Variants in ZNF599 observed in about 807,000 individuals in gnomAD.
ZNF599 encodes the protein zinc finger protein 599.
Under a neutral mutation model 11.7 loss-of-function variants are expected in ZNF599, and 10 were observed. That is an observed-to-expected ratio of 0.86 (90% CI 0.53 to 1.45). The LOEUF (loss-of-function observed/expected upper bound fraction) is 1.45, where lower values mean the gene tolerates loss of function less well. Ranked by LOEUF, ZNF599 falls within the 40% of genes most tolerant of loss-of-function variation. The probability of loss-of-function intolerance (pLI) is 0.00; values close to 1 mark genes in which losing one functional copy is unlikely to be tolerated. For synonymous variants in ZNF599, 232 were observed against 253.2 expected (o/e 0.92, Z 0.79); for missense variants, 688 against 713.6 (o/e 0.96, Z 0.41).
At chr19:34,785,220 A>C in the ZNF599 span, among the ~76,000 whole-genome samples, 1 of 152,068 alleles carries the variant, frequency 6.6e-6, no homozygotes, top group Non-Finnish European at 1.5e-5. Flanking sequence ...CTTACCCTTC[A>C]TGTTAGAAAA....
chr19:34,789,833 G>A, the ZNF599 span, among the ~76,000 whole-genome samples: 1 of 152,086 alleles, frequency 6.6e-6, no homozygotes, highest in East Asian at 1.9e-4. Context: ...TTCCTATGCT[G>A]TGCAAAACCT....
the ZNF599 span, among the ~76,000 whole-genome samples, chr19:34,797,961 TA>T: frequency 6.6e-6 from 1 of 152,184 alleles, no homozygotes; most frequent in African/African-American, 2.4e-5. Flanking sequence ...CATCCATTTA[TA>T]GGCTCTCCAC....
chr19:34,761,237 T>C (rs2069111484), intron 3 of ZNF599, among the ~76,000 whole-genome samples: 1 of 152,160 alleles, frequency 6.6e-6, no homozygotes, highest in African/African-American at 2.4e-5. Context: ...ATGAACATAA[T>C]GAGTCTGCAA....
At chr19:34,794,593 C>A in the ZNF599 span, among the ~76,000 whole-genome samples, 1 of 147,990 alleles carries the variant, frequency 6.8e-6, no homozygotes, top group African/African-American at 2.5e-5. Flanking sequence ...TTTTTTGAGA[C>A]AGAGTCTTGC....
Position 34,769,550 on chromosome 19 carries a change from T to G in ZNF599, c.24A>C (p.Leu8Phe), listed in dbSNP as rs757254702. The G allele has an allele frequency of 1.2e-6, 2 of 1,613,266 alleles. No individual in the cohort carries two copies. The highest frequency in any genetic ancestry group is 1.7e-6 in the Non-Finnish European group (2 of 1,179,332). The change falls in exon 2 of 4, where the codon TTA (leucine) becomes TTC (phenylalanine). Residue 8 changes from leucine to phenylalanine, a missense_variant. By Grantham distance (22) the Leu-to-Phe change is conservative. Coordinates refer to ENST00000329285, the MANE Select transcript of ZNF599 (RefSeq NM_001007248.3). ...TCACAACCACGTCTTCAAATGATAC[T>G]AATGCCTGGGAAGTCAAACAGAGGT... Reference protein sequence around the residue: MAAPALALVSFEDVVVTF... With the variant: MAAPALAFVSFEDVVVTF...
rs2069196160 is a variant in ZNF599 at position 34,773,053 on chromosome 19, G to C, written c.-212C>G. The C allele has an allele frequency of 7.2e-6, 4 of 555,596 alleles. No individual in the cohort carries two copies. Among genetic ancestry groups the C allele is most frequent in the Non-Finnish European group, 1.2e-5 (4 of 325,836 alleles). The allele number at this position is 555,596 out of a possible 1,614,324, so 34.4% of individuals were successfully genotyped here. ...GGAAGGGTTTTGCAGACGCTTGTGG[G>C]GGTGGGATCGCGGCTGACATAAAAG... On this transcript the variant is annotated 5_prime_UTR_variant, in exon 1 of 4. Transcript: ENST00000329285.
rs2069083503 is a variant in ZNF599, at chr19:34,758,170, AG to A, written c.*863del. 6.6e-6 allele frequency: 1 copy of A among 152,228 alleles called. No individual in the cohort carries two copies. The highest frequency in any genetic ancestry group is 1.5e-5 in the Non-Finnish European group (1 of 68,040). The allele number at this position is 152,228 out of a possible 1,614,324, so 9.4% of individuals were successfully genotyped here. A position where few individuals can be genotyped will look rare whatever the true frequency, so the allele number is the denominator to read the frequency against. On this transcript the variant is annotated 3_prime_UTR_variant, in exon 4 of 4. Transcript: ENST00000329285. Reference sequence around the variant, plus strand: ...AACAAACAAACAAACAAATACCCATAGAAGAAGGTTATGTGTTGACTGGTTG... The same window carrying A: ...AACAAACAAACAAACAAATACCCATAAAGAAGGTTATGTGTTGACTGGTTG...
intron 1 of ZNF599, among the ~76,000 whole-genome samples, chr19:34,770,856 G>T (rs2069179308): frequency 6.6e-6 from 1 of 152,178 alleles, no homozygotes; most frequent in Non-Finnish European, 1.5e-5. Flanking sequence ...TGCCGGGAAG[G>T]TTCCCCAAAG....
chr19:34,800,052 A>G, the ZNF599 span, among the ~76,000 whole-genome samples: 5 of 152,168 alleles, frequency 3.3e-5, no homozygotes, highest in Admixed American at 3.3e-4. Flanking sequence ...GCATCTTTAC[A>G]TATTTATTTG....
chr19:34,767,997 A>T (rs556727961), intron 2 of ZNF599, among the ~76,000 whole-genome samples: 26 of 152,320 alleles, frequency 1.7e-4, no homozygotes, highest in Admixed American at 1.5e-3. Flanking sequence ...ATGCAGCCAC[A>T]CACATTTTGC....
chr19:34,802,264 T>C, the ZNF599 span, among the ~76,000 whole-genome samples: 1 of 152,154 alleles, frequency 6.6e-6, no homozygotes, highest in Non-Finnish European at 1.5e-5. Context: ...TGTGAACTCA[T>C]AGTTTTCAAA....
At chr19:34,794,719 C>T in the ZNF599 span, among the ~76,000 whole-genome samples, 7 of 152,148 alleles carry the variant, frequency 4.6e-5, no homozygotes, top group East Asian at 1.2e-3. Flanking sequence ...TACAAGCATG[C>T]ATCACTATGT....
chr19:34,776,483 C>T (rs528784359), upstream of ZNF599, among the ~76,000 whole-genome samples: 9 of 152,346 alleles, frequency 5.9e-5, no homozygotes, highest in South Asian at 1.5e-3. Context: ...GATTCTTCAG[C>T]TCTTGAATCA....
the ZNF599 span, among the ~76,000 whole-genome samples, chr19:34,802,339 G>A: frequency 6.6e-6 from 1 of 152,212 alleles, no homozygotes; most frequent in Admixed American, 6.5e-5. Context: ...GCACAATGAG[G>A]AGGAGTGGGG....
upstream of ZNF599, among the ~76,000 whole-genome samples, chr19:34,773,575 A>C (rs555309482): frequency 1.3e-5 from 2 of 152,184 alleles, no homozygotes; most frequent in East Asian, 3.9e-4. Flanking sequence ...AAGGAAAATG[A>C]AGATAATTAT....
chr19:34,784,467 A>T, the ZNF599 span, among the ~76,000 whole-genome samples: 1 of 152,216 alleles, frequency 6.6e-6, no homozygotes, highest in Non-Finnish European at 1.5e-5. Flanking sequence ...ACAACTCAAA[A>T]TACCTTTGAT....
In ZNF599 at chr19:34,759,070, CGAT is replaced by C. The variant is rs1164466092; in HGVS notation, c.1728_1730del (p.Ser577del). On this transcript the variant is annotated inframe_deletion, in exon 4 of 4. Coordinates refer to ENST00000329285, the MANE Select transcript of ZNF599 (RefSeq NM_001007248.3). ...TATGAATCTTTCGATGGTGAGTGAACGATGAACTGTGGCTGAAGGTCTTTCCAC... is the reference window on the plus strand; with the variant it reads ...TATGAATCTTTCGATGGTGAGTGAACGAACTGTGGCTGAAGGTCTTTCCAC... 5.6e-6 allele frequency: 9 copies of C among 1,613,234 alleles called. No homozygotes were observed. The highest frequency in any genetic ancestry group is 5.9e-6 in the Non-Finnish European group (7 of 1,179,456).
the ZNF599 span, among the ~76,000 whole-genome samples, chr19:34,787,219 TATCATC>T: frequency 0.32 from 47,779 of 148,388 alleles, 8,149 homozygotes; most frequent in Middle Eastern, 0.41. Context: ...CGGCTATTTT[TATCATC>T]ATCATCATCA....
Position 34,771,457 on chromosome 19 carries a change from T to G in ZNF599, c.18+1367A>C, listed in dbSNP as rs553496196. Among the ~76,000 whole-genome samples, 6 of 152,310 alleles carry G rather than the reference T, an allele frequency of 3.9e-5. No homozygotes were observed. The South Asian group carries it at 1.2e-3, about 32-fold the overall frequency. The stretch of plus-strand genomic sequence containing the variant: ...AAACTGCCTCTCAGCACATTATCAA[T>G]GCGCTCAGTGAAGACCAGCTACTAT... On this transcript the variant is annotated intron_variant, in intron 1 of 3. Transcript: ENST00000329285.
Sources: allele counts gnomAD v4.1 joint callset (sites outside exome capture counted in the v4.1 genomes callset), GRCh38; gene constraint gnomAD v4.1.1; transcripts MANE v1.5; gene names NCBI Gene and HGNC (gene_info 2026-07-23, HGNC 2026-07-21).